Variants in PTPN23 observed in about 807,000 individuals in gnomAD.
The protein encoded by PTPN23 is tyrosine-protein phosphatase non-receptor type 23.
A neutral mutation model predicts 156.3 loss-of-function variants in PTPN23; 72 were observed. The ratio of observed to expected loss-of-function variants is 0.46; its 90% CI spans 0.38 to 0.56. The LOEUF is 0.56. Among genes scored for constraint, PTPN23 ranks in the 20% least tolerant of loss-of-function variants. PTPN23 has a pLI of 0.00. For missense variants in PTPN23, 1,974 were observed against 2,171.5 expected (o/e 0.91, Z 1.81); for synonymous variants, 957 against 899.6 (o/e 1.06, Z -1.14).
rs766565313 is a variant in PTPN23, at chr3:47,411,143, A to C, written c.3345A>C (p.Ala1115=). 1.7e-5 allele frequency: 27 copies of C among 1,601,540 alleles called. No individual in the cohort carries two copies. The highest frequency in any genetic ancestry group is 9.1e-5 in the East Asian group (4 of 44,030). The stretch of plus-strand genomic sequence containing the variant: ...CCCCTTGCCTGCGCCGAGGCGCCGC[A>C]GCTGCAGACCTGCTCTCCTCCAGCC... The part of the protein sequence containing the change: ...EPPPCLRRGA[A]AADLLSSSPE... The change falls in exon 20 of 25, where the codon GCA becomes GCC. Residue 1115 remains alanine, a synonymous_variant. Transcript: ENST00000265562. This position sits in a 1 kb window ranked among gnomAD's most constrained non-coding sequence, Gnocchi z 6.3.
At chr3:47,404,958 C>T in intron 3 of PTPN23, 47 bp from the exon 4 acceptor site, 2 of 1,610,634 alleles carry the variant, frequency 1.2e-6, no homozygotes, top group Non-Finnish European at 1.7e-6. Context: ...ATCTCAGGGC[C>T]CTGGCTAGCT....
At position 47,413,197 on chromosome 3, in the gene PTPN23, C is replaced by T. The variant is rs780610708; in HGVS notation, c.*12C>T. 245 of 1,600,152 alleles carry T rather than the reference C, an allele frequency of 1.5e-4. No homozygotes were observed. Among genetic ancestry groups the T allele is most frequent in the Non-Finnish European group, 2.0e-4 (240 of 1,172,602 alleles). ...TCAACAAGACCTGAACAGGTTTTGCCTACCTGGTCCTTACACTACATCATC... is the reference window on the plus strand; with the variant it reads ...TCAACAAGACCTGAACAGGTTTTGCTTACCTGGTCCTTACACTACATCATC... On this transcript the variant is annotated 3_prime_UTR_variant, in exon 25 of 25. Transcript: ENST00000265562.
intron 2 of PTPN23, 51 bp from the exon 3 acceptor site, chr3:47,404,601 G>T (rs1374650781): frequency 6.3e-7 from 1 of 1,599,520 alleles, no homozygotes; most frequent in Non-Finnish European, 8.6e-7. Context: ...TGGCCTGCGT[G>T]TCCACTGCCC....
rs773475310 is a variant in PTPN23 at position 47,409,068 on chromosome 3, C to T, written c.1623C>T (p.Pro541=). ...GPLDQVRAAL[P]TPALSPEDKA... is the part of the protein sequence containing the mutation. ...TTGACCAGGTCCGGGCTGCCCTGCC[C>T]ACACCGGCCCTCTCCCCAGGTGAGC... Residue 541 remains proline, a synonymous_variant, in exon 16 of 25, where the codon CCC becomes CCT. Coordinates refer to ENST00000265562, the MANE Select transcript of PTPN23 (RefSeq NM_015466.4). 1 of 1,612,164 alleles carries T rather than the reference C, an allele frequency of 6.2e-7. No individual in the cohort carries two copies. The highest frequency in any genetic ancestry group is 1.1e-5 in the South Asian group (1 of 90,920).
rs1488908822 is a variant in PTPN23 at position 47,410,980 on chromosome 3, G to A, written c.3182G>A (p.Gly1061Asp). Residue 1061 changes from glycine (G) to aspartate (D), a missense_variant, in exon 20 of 25, where the codon GGC becomes GAC. Around this residue, in one of 4 missense-constraint regions of PTPN23, gnomAD observed 731 missense variants for 669.1 expected, o/e 1.09. Coordinates refer to ENST00000265562, the MANE Select transcript of PTPN23 (RefSeq NM_015466.4). ...YGPAPSTRPM[G>D]PQAAPLTIRG... ...CCTGCCCCTTCTACCAGACCCATGG[G>A]CCCCCAGGCAGCCCCTCTTACCATT... The A allele has an allele frequency of 3.7e-6, 6 of 1,607,980 alleles. No homozygotes were observed. The East Asian group carries it at 1.3e-4, about 36-fold the overall frequency.
Position 47,406,833 on chromosome 3 carries a change from G to C in PTPN23, c.807+83G>C. 6.4e-7 allele frequency: 1 copy of C among 1,550,838 alleles called. No individual in the cohort carries two copies. Among genetic ancestry groups the C allele is most frequent in the Non-Finnish European group, 8.8e-7 (1 of 1,136,838 alleles). The stretch of plus-strand genomic sequence containing the variant: ...TGTGCTCCCGCTCCTTACACACCAG[G>C]GGGTGGCCTTCTCTGTCTCACCCTG... On this transcript the variant is annotated intron_variant, in intron 9 of 24. Transcript: ENST00000265562. The surrounding 1 kb of genome is among the most constrained non-coding windows in gnomAD (Gnocchi z 5.8).
In PTPN23 at chr3:47,412,076, C is replaced by T. The variant is rs1299151890; in HGVS notation, c.4074-18C>T. The T allele has an allele frequency of 6.2e-7, 1 of 1,612,578 alleles. No individual in the cohort carries two copies. ...GGCCTGGCTCATAGGCTCTTCCTGG[C>T]CCCATCCTGTCCCACAGAGGCCTGC... is the stretch of plus-strand genomic sequence containing the variant. On this transcript the variant is annotated intron_variant, in intron 21 of 24. Transcript: ENST00000265562.
At chr3:47,397,854 A>G (rs1704911228) in intron 2 of PTPN23, among the ~76,000 whole-genome samples, 1 of 152,112 alleles carries the variant, frequency 6.6e-6, no homozygotes, top group African/African-American at 2.4e-5. Flanking sequence ...TATTTTTAGT[A>G]GAGACAGGAT....
intron 1 of PTPN23, 141 bp downstream of exon 1, chr3:47,381,321 T>C (rs1051528042): frequency 1.6e-6 from 2 of 1,229,336 alleles, no homozygotes; most frequent in Non-Finnish European, 2.3e-6. Context: ...TCGCCGGTTT[T>C]CCTCAGCCTG....
chr3:47,412,889 C>T lies in PTPN23; in HGVS notation c.4615C>T (p.Pro1539Ser), dbSNP rs1048779685. ...GCCAGCCAGCCTCCCAGAGTCTACC[C>T]CAATCCCATCTTCCTCCCCGCCCCC... ...LPPASLPEST[P>S]IPSSSPPPLS... Residue 1539 changes from proline to serine, a missense_variant, in exon 25 of 25, where the codon CCA (proline) becomes TCA (serine). Pro to Ser is a moderately conservative substitution (Grantham distance 74). Around this residue, in one of 4 missense-constraint regions of PTPN23, gnomAD observed 484 missense variants for 516.0 expected, o/e 0.94. Transcript: ENST00000265562. The T allele has an allele frequency of 1.2e-6, 2 of 1,611,400 alleles. No individual in the cohort carries two copies. Among genetic ancestry groups the T allele is most frequent in the African/African-American group, 2.7e-5 (2 of 74,828 alleles).
At position 47,412,508 on chromosome 3, in the gene PTPN23, G is replaced by C; in HGVS notation, c.4318-6G>C. On this transcript the variant is annotated splice_polypyrimidine_tract_variant and splice_region_variant and intron_variant, in intron 23 of 24. Transcript: ENST00000265562. ...CCAGCTGACCTGGCCAAATGCACCTGTGCAGCTGCACCTCAGGTTCTGCTA... is the reference window on the plus strand; with the variant it reads ...CCAGCTGACCTGGCCAAATGCACCTCTGCAGCTGCACCTCAGGTTCTGCTA... The C allele has an allele frequency of 6.2e-7, 1 of 1,613,012 alleles. No individual in the cohort carries two copies. The highest frequency in any genetic ancestry group is 8.5e-7 in the Non-Finnish European group (1 of 1,179,774).
Position 47,413,180 on chromosome 3 carries a change from A to G in PTPN23, c.4906A>G (p.Thr1636Ala). ...LLDPLWTLNK[T>A] is the part of the protein sequence containing the mutation. ...GGATCCACTCTGGACACTCAACAAG[A>G]CCTGAACAGGTTTTGCCTACCTGGT... is the stretch of plus-strand genomic sequence containing the variant. The change falls in exon 25 of 25, where the codon ACC becomes GCC. Residue 1636 changes from threonine (T) to alanine (A), a missense_variant. Thr to Ala is a moderately conservative substitution (Grantham distance 58). Transcript: ENST00000265562. 1 of 1,608,408 alleles carries G rather than the reference A, an allele frequency of 6.2e-7. No individual in the cohort carries two copies. The highest frequency in any genetic ancestry group is 8.5e-7 in the Non-Finnish European group (1 of 1,177,226).
chr3:47,410,096 C>A lies in PTPN23; in HGVS notation c.2298C>A (p.Ala766=). The change falls in exon 20 of 25, where the codon GCC becomes GCA. Residue 766 remains alanine, a synonymous_variant. Coordinates refer to ENST00000265562, the MANE Select transcript of PTPN23 (RefSeq NM_015466.4). Reference sequence around the variant, plus strand: ...TGCCTGACACCTTCCTGGGAAGTGCCACCCCGCTCCACTTTCCTCCCAGCC... The same window carrying A: ...TGCCTGACACCTTCCTGGGAAGTGCAACCCCGCTCCACTTTCCTCCCAGCC... ...PRLPDTFLGS[A]TPLHFPPSPF... The A allele has an allele frequency of 6.2e-7, 1 of 1,606,806 alleles. No individual in the cohort carries two copies. Among genetic ancestry groups the A allele is most frequent in the South Asian group, 1.1e-5 (1 of 89,882 alleles).
rs1366331356 is a variant in PTPN23, at chr3:47,409,402, C to T, written c.1798-15C>T. 2.5e-6 allele frequency: 4 copies of T among 1,613,904 alleles called. No individual in the cohort carries two copies. Among genetic ancestry groups the T allele is most frequent in the African/African-American group, 1.3e-5 (1 of 74,916 alleles). On this transcript the variant is annotated splice_polypyrimidine_tract_variant and intron_variant, in intron 17 of 24. Transcript: ENST00000265562. ...GGCCCTGAGTGTCCGTCCCTGGCCCCCACCCCTTCCTCAGAAGTTGTTCGA... is the reference window on the plus strand; with the variant it reads ...GGCCCTGAGTGTCCGTCCCTGGCCCTCACCCCTTCCTCAGAAGTTGTTCGA...
At chr3:47,395,982 G>A (rs532199910) in intron 1 of PTPN23, among the ~76,000 whole-genome samples, 161 bp from the exon 2 acceptor site, 1 of 152,128 alleles carries the variant, frequency 6.6e-6, no homozygotes, top group African/African-American at 2.4e-5. Flanking sequence ...CAGCATTTTG[G>A]TGCTGCCTGT....
intron 2 of PTPN23, among the ~76,000 whole-genome samples, chr3:47,398,923 G>C (rs1227827936): frequency 6.6e-6 from 1 of 152,300 alleles, no homozygotes; most frequent in Non-Finnish European, 1.5e-5. Flanking sequence ...CTGCACATGT[G>C]CAGACTTTCT....
intron 2 of PTPN23, among the ~76,000 whole-genome samples, chr3:47,401,008 T>C (rs1218021181): frequency 6.6e-6 from 1 of 151,758 alleles, no homozygotes; most frequent in African/African-American, 2.4e-5. Flanking sequence ...GTTCACGCCA[T>C]TCTTCTGCCT....
chr3:47,412,521 T>A lies in PTPN23; in HGVS notation c.4325T>A (p.Leu1442His). 3 of 1,613,312 alleles carry A rather than the reference T, an allele frequency of 1.9e-6. No individual in the cohort carries two copies. The highest frequency in any genetic ancestry group is 2.5e-6 in the Non-Finnish European group (3 of 1,179,888). The change falls in exon 24 of 25, where the codon CTC becomes CAC. Residue 1442 changes from leucine to histidine, a missense_variant. Coordinates refer to ENST00000265562, the MANE Select transcript of PTPN23 (RefSeq NM_015466.4). ...CCAAATGCACCTGTGCAGCTGCACC[T>A]CAGGTTCTGCTATGAGGCAGTGGTG... is the stretch of plus-strand genomic sequence containing the variant. Reference protein sequence around the residue: ...RKHMLQEKLHLRFCYEAVVRH... With the variant: ...RKHMLQEKLHHRFCYEAVVRH...
In PTPN23 at chr3:47,407,533, T is replaced by G. The variant is rs776446646; in HGVS notation, c.952T>G (p.Phe318Val). Residue 318 changes from phenylalanine to valine, a missense_variant, in exon 12 of 25, where the codon TTC (phenylalanine) becomes GTC (valine). Phe to Val is a conservative substitution (Grantham distance 50). Around this residue, in one of 4 missense-constraint regions of PTPN23, gnomAD observed 726 missense variants for 929.5 expected, o/e 0.78. Coordinates refer to ENST00000265562, the MANE Select transcript of PTPN23 (RefSeq NM_015466.4). This position sits in a 1 kb window ranked among gnomAD's most constrained non-coding sequence, Gnocchi z 4.0. ...CAATTCTGCCAAGAAGGACAACGAC[T>G]TCATTTACCATGAGGCTGTCCCAGC... Reference protein sequence around the residue: ...KYNSAKKDNDFIYHEAVPALD... With the variant: ...KYNSAKKDNDVIYHEAVPALD... 6.2e-7 allele frequency: 1 copy of G among 1,614,060 alleles called. No homozygotes were observed. Among genetic ancestry groups the G allele is most frequent in the South Asian group, 1.1e-5 (1 of 91,078 alleles).
Sources: allele counts gnomAD v4.1 joint callset (sites outside exome capture counted in the v4.1 genomes callset), GRCh38; gene constraint gnomAD v4.1.1; regional missense constraint gnomAD v4.1.1; non-coding constraint Gnocchi (gnomAD v3.1); transcripts MANE v1.5; gene names NCBI Gene and HGNC (gene_info 2026-07-23, HGNC 2026-07-21).